The following ASZ1 variants were observed in gnomAD, a reference collection of about 807,000 sequenced individuals.
The protein encoded by ASZ1 is ankyrin repeat, SAM and basic leucine zipper domain-containing protein 1.
A neutral mutation model predicts 61.8 loss-of-function variants in ASZ1; 67 were observed. The observed-to-expected ratio is 1.08, with a 90% CI of 0.89 to 1.33. ASZ1 has a LOEUF of 1.33. Ranked by LOEUF, ASZ1 falls within the 40% of genes most tolerant of loss-of-function variation. The pLI is 0.00. For synonymous variants in ASZ1, 193 were observed against 192.7 expected (o/e 1.00, Z -0.01); for missense variants, 577 against 554.5 (o/e 1.04, Z -0.41).
At chr7:117,370,627 C>G (rs1166298278) in intron 10 of ASZ1, among the ~76,000 whole-genome samples, 1 of 151,190 alleles carries the variant, frequency 6.6e-6, no homozygotes, top group Non-Finnish European at 1.5e-5. Context: ...GAATGGATAA[C>G]AAATATGGGA....
chr7:117,405,615 G>A (rs78588513), intron 4 of ASZ1, among the ~76,000 whole-genome samples: 372 of 152,302 alleles, frequency 2.4e-3, no homozygotes, highest in African/African-American at 8.5e-3. Flanking sequence ...CCATCCCAGC[G>A]TTTCCCTTGT....
intron 9 of ASZ1, among the ~76,000 whole-genome samples, chr7:117,380,796 A>AAAACCC (rs1796234899): frequency 6.6e-6 from 1 of 151,760 alleles, no homozygotes; most frequent in Non-Finnish European, 1.5e-5. Context: ...AAACAAAAAC[A>AAAACCC]AAACCCAAAC....
chr7:117,373,246 C>T (rs574187068), intron 10 of ASZ1, among the ~76,000 whole-genome samples: 1 of 151,970 alleles, frequency 6.6e-6, no homozygotes, highest in Admixed American at 6.6e-5. Flanking sequence ...TTAAATTGCA[C>T]TCTTTATTTT....
intron 9 of ASZ1, 72 bp downstream of exon 9, chr7:117,380,937 AAG>A (rs1379186967): frequency 1.5e-6 from 2 of 1,330,032 alleles, no homozygotes; most frequent in African/African-American, 1.5e-5. Context: ...GCATTTTAAA[AAG>A]AGAGAAGAAA....
intron 4 of ASZ1, among the ~76,000 whole-genome samples, chr7:117,392,194 A>T (rs1233154920): frequency 1.3e-5 from 2 of 152,210 alleles, no homozygotes; most frequent in African/African-American, 4.8e-5. Flanking sequence ...GGCAGTACAG[A>T]TATTTTAATG....
intron 4 of ASZ1, among the ~76,000 whole-genome samples, chr7:117,388,563 G>A (rs1363005954): frequency 1.3e-5 from 2 of 151,900 alleles, no homozygotes; most frequent in Non-Finnish European, 2.9e-5. Flanking sequence ...CTCAACAAAT[G>A]CAGAACAAGT....
At chr7:117,426,715 G>T (rs944275167) in intron 2 of ASZ1, 121 bp downstream of exon 2, 10 of 895,358 alleles carry the variant, frequency 1.1e-5, no homozygotes, top group Non-Finnish European at 1.7e-5. Context: ...AGATTATGCA[G>T]GATGATACAT....
chr7:117,415,395 G>A (rs1196168998), intron 4 of ASZ1, among the ~76,000 whole-genome samples: 2 of 151,872 alleles, frequency 1.3e-5, no homozygotes, highest in Non-Finnish European at 2.9e-5. Flanking sequence ...TATCACTGAC[G>A]GATCTGTCTC....
chr7:117,391,156 C>T (rs1256841204), intron 4 of ASZ1, among the ~76,000 whole-genome samples: 1 of 151,442 alleles, frequency 6.6e-6, no homozygotes, highest in South Asian at 2.1e-4. Context: ...TGTTTATGTC[C>T]TTTGCCTACT....
At chr7:117,417,887 T>C (rs1015425565) in intron 4 of ASZ1, among the ~76,000 whole-genome samples, 7 of 152,264 alleles carry the variant, frequency 4.6e-5, no homozygotes, top group African/African-American at 9.6e-5. Context: ...TTCAAATTCA[T>C]CTGCTCATTT....
At chr7:117,406,993 T>TA (rs1289533351) in intron 4 of ASZ1, among the ~76,000 whole-genome samples, 1 of 151,516 alleles carries the variant, frequency 6.6e-6, no homozygotes, top group African/African-American at 2.4e-5. Flanking sequence ...AATGGAATAA[T>TA]AAAAAATAAT....
intron 10 of ASZ1, among the ~76,000 whole-genome samples, chr7:117,370,920 G>A (rs1300116809): frequency 6.6e-6 from 1 of 151,528 alleles, no homozygotes; most frequent in Non-Finnish European, 1.5e-5. Context: ...CTGCTCCTGG[G>A]TTCAAGTGAT....
At chr7:117,364,891 G>A (rs988313340) in intron 12 of ASZ1, among the ~76,000 whole-genome samples, 4 of 151,934 alleles carry the variant, frequency 2.6e-5, no homozygotes, top group African/African-American at 7.3e-5. Context: ...TTTCTGACAG[G>A]AGCCTGTCAG....
chr7:117,363,322 T>C lies in ASZ1; in HGVS notation c.*274A>G, dbSNP rs1377532075. On this transcript the variant is annotated 3_prime_UTR_variant, in exon 13 of 13. Coordinates refer to ENST00000284629, the MANE Select transcript of ASZ1 (RefSeq NM_130768.3). ...TTTAAAAAATGTCAAAGATATTAGA[T>C]ATAACTTTAATTTTGAATGTGATTT... 9.6e-6 allele frequency: 2 copies of C among 207,626 alleles called. No homozygotes were observed. Among genetic ancestry groups the C allele is most frequent in the Admixed American group, 1.2e-4 (2 of 16,978 alleles). The allele number at this position is 207,626 out of a possible 1,614,324, so 12.9% of individuals were successfully genotyped here. A position where few individuals can be genotyped will look rare whatever the true frequency, so the allele number is the denominator to read the frequency against.
intron 10 of ASZ1, among the ~76,000 whole-genome samples, chr7:117,370,901 C>T (rs1302140325): frequency 6.6e-6 from 1 of 151,296 alleles, no homozygotes; most frequent in Non-Finnish European, 1.5e-5. Flanking sequence ...GCGAGGCTCA[C>T]TGTAACCTCT....
At chr7:117,379,164 T>TACAC (rs1384419878) in intron 10 of ASZ1, among the ~76,000 whole-genome samples, 19 of 59,478 alleles carry the variant, frequency 3.2e-4, no homozygotes, top group Admixed American at 1.9e-3. Context: ...TATATATATA[T>TACAC]ATATACACAC....
Position 117,367,428 on chromosome 7 carries a change from G to T in ASZ1, c.1199C>A (p.Ser400Ter). 1 of 1,555,828 alleles carries T rather than the reference G, an allele frequency of 6.4e-7. No individual in the cohort carries two copies. ...ATTATTAACCAATTCTTCACAAACT[G>T]AAGTAAAATTCTGGGGAGAAGCCCA... ...LEWASPQNFT[S>*]VCEELVNNVE... The change falls in exon 12 of 13, where the codon TCA (serine) becomes TAA (stop). Residue 400 changes from serine to a stop codon, truncating the protein, a stop_gained. Transcript: ENST00000284629. LOFTEE classifies it high-confidence loss of function.
chr7:117,367,244 CTA>C (rs1383291809), intron 12 of ASZ1, 106 bp downstream of exon 12: 1 of 830,362 alleles, frequency 1.2e-6, no homozygotes, highest in Non-Finnish European at 1.6e-6. Flanking sequence ...TCCCACTTGT[CTA>C]AGTGTTCCAT....
rs111714070 is a variant in ASZ1 at position 117,365,883 on chromosome 7, A to T, written c.1275+1469T>A. Among the ~76,000 whole-genome samples the T allele has an allele frequency of 6.6e-5, 10 of 152,384 alleles. No homozygotes were observed. In the South Asian group the frequency reaches 1.7e-3, roughly 25 times the overall value. The stretch of plus-strand genomic sequence containing the variant: ...ATTTTCTACAAGAATTCTGAAACAT[A>T]GTGCTCATTTCCTCATTTAAAATGT... On this transcript the variant is annotated intron_variant, in intron 12 of 12. Coordinates refer to ENST00000284629, the MANE Select transcript of ASZ1 (RefSeq NM_130768.3).
Sources: allele counts gnomAD v4.1 joint callset (sites outside exome capture counted in the v4.1 genomes callset), GRCh38; gene constraint gnomAD v4.1.1; transcripts MANE v1.5; gene names NCBI Gene and HGNC (gene_info 2026-07-23, HGNC 2026-07-21).